The following OXA1L variants were observed in gnomAD, a reference collection of about 807,000 sequenced individuals.
The protein encoded by OXA1L is mitochondrial inner membrane protein OXA1L.
A neutral mutation model predicts 52.2 loss-of-function variants in OXA1L; 42 were observed. The observed-to-expected ratio is 0.80, with a 90% confidence interval of 0.63 to 1.04. The LOEUF (loss-of-function observed/expected upper bound fraction) is 1.04, where lower values mean the gene tolerates loss of function less well. Among genes scored for constraint, OXA1L ranks in the 50% least tolerant of loss-of-function variants. The probability of loss-of-function intolerance (pLI) is 0.00; values close to 1 mark genes in which losing one functional copy is unlikely to be tolerated. For missense variants in OXA1L, 572 were observed against 555.0 expected, an observed-to-expected ratio of 1.03 and a Z score of -0.31; for synonymous variants, 239 against 201.9, an observed-to-expected ratio of 1.18 and a Z score of -1.56.
intron 7 of OXA1L, 21 bp from the exon 8 acceptor site, chr14:22,770,997 C>T: frequency 6.2e-7 from 1 of 1,614,134 alleles, no homozygotes; most frequent in Non-Finnish European, 8.5e-7. Flanking sequence ...TTCTGAGTCC[C>T]TTCTCTGTGT....
In OXA1L at chr14:22,773,028, C is replaced by T. The variant is rs1441223755; in HGVS notation, c.*1470C>T. 3.8e-6 allele frequency: 1 copy of T among 266,124 alleles called. No homozygotes were observed. The highest frequency in any genetic ancestry group is 9.9e-5 in the East Asian group (1 of 10,096). 16.5% of individuals were successfully genotyped at this position (266,124 alleles called of 1,614,324 possible). ...ATGTCATTTTTATGTAACAATCCAA[C>T]ATTTGACTAGAGCAGTTTAAGTGTT... On this transcript the variant is annotated 3_prime_UTR_variant, in exon 10 of 10. Transcript: ENST00000612549.
At chr14:22,769,095 G>A (rs1335866954) in intron 3 of OXA1L, among the ~76,000 whole-genome samples, 1 of 151,700 alleles carries the variant, frequency 6.6e-6, no homozygotes, top group African/African-American at 2.4e-5. Context: ...TAATTTTTAC[G>A]TTCTTTATTT....
Position 22,769,787 on chromosome 14 carries a change from C to T in OXA1L, c.440-4C>T, listed in dbSNP as rs769241843. 2.5e-6 allele frequency: 4 copies of T among 1,614,160 alleles called. No individual in the cohort carries two copies. The highest frequency in any genetic ancestry group is 1.6e-4 in the Middle Eastern group (1 of 6,062). Reference sequence around the variant, plus strand: ...TCACTCCAATCCTAGTTTGTATTTTCCAGGTACAGTCTTTGCCCGCTGCCT... The same window carrying T: ...TCACTCCAATCCTAGTTTGTATTTTTCAGGTACAGTCTTTGCCCGCTGCCT... On this transcript the variant is annotated splice_polypyrimidine_tract_variant and splice_region_variant and intron_variant, in intron 3 of 9. Coordinates refer to ENST00000612549, the MANE Select transcript of OXA1L (RefSeq NM_005015.5).
In OXA1L at chr14:22,770,290, C is replaced by T. The variant is rs2038446928; in HGVS notation, c.669+12C>T. 1 of 1,580,748 alleles carries T rather than the reference C, an allele frequency of 6.3e-7. No individual in the cohort carries two copies. The highest frequency in any genetic ancestry group is 8.7e-7 in the Non-Finnish European group (1 of 1,149,618). ...TCCCTGTGACTCAGGTGAGCAAAAA[C>T]ATTTCCTTCCTTATTTCATCCAGTA... On this transcript the variant is annotated intron_variant, in intron 5 of 9. Transcript: ENST00000612549.
chr14:22,771,056 C>T lies in OXA1L; in HGVS notation c.978C>T (p.Ser326=). The T allele has an allele frequency of 6.2e-7, 1 of 1,614,186 alleles. No individual in the cohort carries two copies. The highest frequency in any genetic ancestry group is 8.5e-7 in the Non-Finnish European group (1 of 1,180,036). ...ACTGGCTCTCCTCCAATTTGTTTTC[C>T]CTGGTCCAAGTATCCTGTCTCCGGA... ...FMYWLSSNLF[S]LVQVSCLRIP... The change falls in exon 8 of 10, where the codon TCC becomes TCT. Residue 326 remains serine, a synonymous_variant. Transcript: ENST00000612549.
rs199824274 is a variant in OXA1L at position 22,766,782 on chromosome 14, C to T, written c.63+18C>T. 1.2e-6 allele frequency: 2 copies of T among 1,613,658 alleles called. No individual in the cohort carries two copies. Among genetic ancestry groups the T allele is most frequent in the Admixed American group, 1.7e-5 (1 of 59,980 alleles). On this transcript the variant is annotated intron_variant, in intron 1 of 9. Coordinates refer to ENST00000612549, the MANE Select transcript of OXA1L (RefSeq NM_005015.5). ...GGCGTCGGGTAAGGATGCCCCGGGG[C>T]AGAGCACCGGGATGCTGCCCTGACC... is the stretch of plus-strand genomic sequence containing the variant.
At chr14:22,766,961 G>C in intron 1 of OXA1L, 197 bp downstream of exon 1, 1 of 1,520,766 alleles carries the variant, frequency 6.6e-7, no homozygotes. Context: ...TCAGCTTCTG[G>C]AATTGGCTTG....
Position 22,772,260 on chromosome 14 carries a change from G to C in OXA1L, c.*702G>C, listed in dbSNP as rs555871639. ...GCACTTTTGGGAGGCCAAGGCGGGC[G>C]GATCACGAAGTCAGCAGATCGAGAC... On this transcript the variant is annotated 3_prime_UTR_variant, in exon 10 of 10. Transcript: ENST00000612549. 1 of 151,314 alleles carries C rather than the reference G, an allele frequency of 6.6e-6. No individual in the cohort carries two copies. Among genetic ancestry groups the C allele is most frequent in the African/African-American group, 2.4e-5 (1 of 41,068 alleles). The allele number at this position is 151,314 out of a possible 1,614,324, so 9.4% of individuals were successfully genotyped here.
chr14:22,769,068 G>A (rs978629409), intron 3 of OXA1L: 1 of 152,056 alleles, frequency 6.6e-6, no homozygotes, highest in Non-Finnish European at 1.5e-5. Context: ...GACTACAGGT[G>A]TGCCACCACA....
Position 22,771,588 on chromosome 14 carries a change from TTC to T in OXA1L, c.*32_*33del, listed in dbSNP as rs1342346775. On this transcript the variant is annotated 3_prime_UTR_variant, in exon 10 of 10. Coordinates refer to ENST00000612549, the MANE Select transcript of OXA1L (RefSeq NM_005015.5). ...TGTTCTGTGCGCATTCTGGCAGGAATTCTGTCTCTTCAGAGACTCATCCTCAA... is the reference window on the plus strand; with the variant it reads ...TGTTCTGTGCGCATTCTGGCAGGAATTGTCTCTTCAGAGACTCATCCTCAA... The T allele has an allele frequency of 6.2e-7, 1 of 1,613,076 alleles. No individual in the cohort carries two copies. The highest frequency in any genetic ancestry group is 8.5e-7 in the Non-Finnish European group (1 of 1,179,094).
intron 4 of OXA1L, 116 bp downstream of exon 4, chr14:22,770,050 A>G: frequency 6.9e-7 from 1 of 1,446,706 alleles, no homozygotes. Flanking sequence ...AAAGTTCTAA[A>G]GGTTTATCTG....
At position 22,767,123 on chromosome 14, in the gene OXA1L, A is replaced by G. The variant is rs916017999; in HGVS notation, c.64-125A>G. The G allele has an allele frequency of 5.2e-6, 8 of 1,536,904 alleles. No homozygotes were observed. The Admixed American group carries it at 5.9e-5, about 11-fold the overall frequency. On this transcript the variant is annotated intron_variant, in intron 1 of 9. Transcript: ENST00000612549. ...TAGCGGTCTGCGCGCGGTGATAGCA[A>G]TGTCCTCCCCTGTAGTGGCCGAGCT...
At position 22,773,039 on chromosome 14, in the gene OXA1L, A is replaced by T. The variant is rs1199638621; in HGVS notation, c.*1481A>T. 6 of 285,134 alleles carry T rather than the reference A, an allele frequency of 2.1e-5. No individual in the cohort carries two copies. The highest frequency in any genetic ancestry group is 9.2e-5 in the East Asian group (1 of 10,888). 17.7% of individuals were successfully genotyped at this position (285,134 alleles called of 1,614,324 possible). On this transcript the variant is annotated 3_prime_UTR_variant, in exon 10 of 10. Transcript: ENST00000612549. ...ATGTAACAATCCAACATTTGACTAG[A>T]GCAGTTTAAGTGTTCTGTTGTCTGC...
rs56136068 is a variant in OXA1L, at chr14:22,772,488, C to CAAAAAAAAAAAAAAAAAA, written c.*944_*961dup. ...TGGGCAAGAGAGTGAGACTCCTTCT[C>CAAAAAAAAAAAAAAAAAA]AAAAAAAAAAAAAAAAAAAAAAAAA... On this transcript the variant is annotated 3_prime_UTR_variant, in exon 10 of 10. Coordinates refer to ENST00000612549, the MANE Select transcript of OXA1L (RefSeq NM_005015.5). 2.6e-5 allele frequency: 2 copies of CAAAAAAAAAAAAAAAAAA among 76,002 alleles called. No homozygotes were observed. Among genetic ancestry groups the CAAAAAAAAAAAAAAAAAA allele is most frequent in the African/African-American group, 6.3e-5 (1 of 15,980 alleles). 4.7% of individuals were successfully genotyped at this position (76,002 alleles called of 1,614,324 possible). A position where few individuals can be genotyped will look rare whatever the true frequency, so the allele number is the denominator to read the frequency against.
At chr14:22,766,806 C>A (rs1255165694) in intron 1 of OXA1L, 42 bp downstream of exon 1, 1 of 1,611,466 alleles carries the variant, frequency 6.2e-7, no homozygotes, top group South Asian at 1.1e-5. Context: ...GCTGCCCTGA[C>A]CCAGTGAACC....
intron 3 of OXA1L, chr14:22,768,650 C>T (rs2038431277): frequency 1.3e-5 from 2 of 159,702 alleles, no homozygotes; most frequent in Non-Finnish European, 2.8e-5. Context: ...TGCTCAGGCA[C>T]ACCCATGTGT....
Position 22,770,572 on chromosome 14 carries a change from C to A in OXA1L, c.781C>A (p.Pro261Thr). 2 of 1,614,150 alleles carry A rather than the reference C, an allele frequency of 1.2e-6. No individual in the cohort carries two copies. Among genetic ancestry groups the A allele is most frequent in the Non-Finnish European group, 1.7e-6 (2 of 1,180,008 alleles). Residue 261 changes from proline to threonine, a missense_variant, in exon 6 of 10, where the codon CCC becomes ACC. By Grantham distance (38) the Pro-to-Thr change is conservative. Around this residue, in one of 5 missense-constraint regions of OXA1L, gnomAD observed 244 missense variants for 240.2 expected, o/e 1.02. Coordinates refer to ENST00000612549, the MANE Select transcript of OXA1L (RefSeq NM_005015.5). Reference sequence around the variant, plus strand: ...GTTCCAGGATCTCACGGTATCCGATCCCATCTACATATTACCACTGGCAGT... The same window carrying A: ...GTTCCAGGATCTCACGGTATCCGATACCATCTACATATTACCACTGGCAGT... ...WWFQDLTVSD[P>T]IYILPLAVTA...
chr14:22,770,239 T>A lies in OXA1L; in HGVS notation c.630T>A (p.Gly210=). The change falls in exon 5 of 10, where the codon GGT becomes GGA. Residue 210 remains glycine, a synonymous_variant. Coordinates refer to ENST00000612549, the MANE Select transcript of OXA1L (RefSeq NM_005015.5). The part of the protein sequence containing the change: ...SEMALYQKKH[G]IKLYKPLILP... Reference sequence around the variant, plus strand: ...TGGCACTTTACCAGAAAAAACATGGTATTAAACTCTATAAACCTCTCATTC... The same window carrying A: ...TGGCACTTTACCAGAAAAAACATGGAATTAAACTCTATAAACCTCTCATTC... The A allele has an allele frequency of 6.2e-7, 1 of 1,612,244 alleles. No individual in the cohort carries two copies. Among genetic ancestry groups the A allele is most frequent in the Admixed American group, 1.7e-5 (1 of 59,990 alleles).
At chr14:22,767,161 G>T in intron 1 of OXA1L, 87 bp from the exon 2 acceptor site, 2 of 1,550,498 alleles carry the variant, frequency 1.3e-6, no homozygotes, top group East Asian at 2.3e-5. Context: ...CTGCTTCTTG[G>T]GGAGTTAGCA....
Sources: gnomAD v4.1 joint callset for allele counts (sites outside exome capture counted in the v4.1 genomes callset) on GRCh38, gnomAD v4.1.1 for gene constraint, gnomAD v4.1.1 regional missense constraint, MANE v1.5 for transcripts, NCBI Gene and HGNC (gene_info 2026-07-23, HGNC 2026-07-21) for gene names.